The following CNTNAP2 variants were observed in gnomAD, a reference collection of about 807,000 sequenced individuals.
The protein encoded by CNTNAP2 is contactin associated protein 2, also known as contactin-associated protein-like 2.
A neutral mutation model predicts 155.2 loss-of-function variants in CNTNAP2; 98 were observed. The ratio of observed to expected loss-of-function variants is 0.63; its 90% confidence interval spans 0.54 to 0.75. The LOEUF is 0.75. Among genes scored for constraint, CNTNAP2 ranks in the 30% least tolerant of loss-of-function variants. The pLI is 0.00. For missense variants in CNTNAP2, 1,727 were observed against 1,688.1 expected (o/e 1.02, Z -0.40); for synonymous variants, 651 against 631.2 (o/e 1.03, Z -0.47).
At chr7:148,159,805 T>G (rs1805482653) in intron 17 of CNTNAP2, among the ~76,000 whole-genome samples, 6 of 152,218 alleles carry the variant, frequency 3.9e-5, no homozygotes. Context: ...AGTGGTAGCT[T>G]CGGGTAATTG....
intron 9 of CNTNAP2, among the ~76,000 whole-genome samples, chr7:147,393,350 A>G (rs1191780950): frequency 2.6e-5 from 4 of 152,050 alleles, no homozygotes; most frequent in African/African-American, 9.7e-5. Context: ...TACAACCTTA[A>G]TTATACCCAA....
intron 1 of CNTNAP2, among the ~76,000 whole-genome samples, chr7:146,346,303 A>G (rs1169005880): frequency 1.3e-5 from 2 of 152,156 alleles, no homozygotes; most frequent in East Asian, 3.9e-4. Flanking sequence ...CTCCTGTCAG[A>G]TCGTCTGTGG....
intron 10 of CNTNAP2, among the ~76,000 whole-genome samples, chr7:147,472,912 G>T (rs976238903): frequency 6.6e-6 from 1 of 152,160 alleles, no homozygotes; most frequent in Non-Finnish European, 1.5e-5. Context: ...AGCAGGTGGA[G>T]TGTCCAAGTT....
chr7:147,264,017 C>T (rs903426289), intron 8 of CNTNAP2, among the ~76,000 whole-genome samples: 31 of 152,170 alleles, frequency 2.0e-4, no homozygotes, highest in Admixed American at 7.9e-4. Flanking sequence ...GAGGCCTTAG[C>T]ATTCCAACCT....
At chr7:146,182,179 A>G (rs1048528703) in intron 1 of CNTNAP2, among the ~76,000 whole-genome samples, 5 of 152,176 alleles carry the variant, frequency 3.3e-5, no homozygotes, top group African/African-American at 1.2e-4. Flanking sequence ...CTGGAGAGGA[A>G]ATATGAATGA....
intron 12 of CNTNAP2, chr7:147,638,674 A>G: frequency 2.7e-6 from 1 of 364,386 alleles, no homozygotes; most frequent in South Asian, 2.3e-5. Context: ...GAGAGCAAAC[A>G]CCATGTAGGA....
Position 146,511,861 on chromosome 7 carries a change from T to C in CNTNAP2, c.98-262410T>C, listed in dbSNP as rs186378399. Among the ~76,000 whole-genome samples, 11 of 152,272 alleles carry C rather than the reference T, an allele frequency of 7.2e-5. No individual in the cohort carries two copies. In the East Asian group the frequency reaches 1.9e-3, roughly 27 times the overall value. On this transcript the variant is annotated intron_variant, in intron 1 of 23. Coordinates refer to ENST00000361727, the MANE Select transcript of CNTNAP2 (RefSeq NM_014141.6). ...GTTTGAGTAGAATTGTTATTGGTTC[T>C]TCTTTAAAAATTTGGTAGAGTTCAG...
chr7:146,300,956 G>A (rs1800597798), intron 1 of CNTNAP2, among the ~76,000 whole-genome samples: 1 of 152,122 alleles, frequency 6.6e-6, no homozygotes, highest in East Asian at 1.9e-4. Flanking sequence ...TTGTATTTAA[G>A]TGCTGAGGGT....
chr7:147,248,867 A>G (rs1804124150), intron 8 of CNTNAP2, among the ~76,000 whole-genome samples: 1 of 152,232 alleles, frequency 6.6e-6, no homozygotes, highest in African/African-American at 2.4e-5. Context: ...CAAGGTTGTA[A>G]GGAGCTTAGG....
chr7:148,074,384 T>C (rs1803438271), intron 15 of CNTNAP2, among the ~76,000 whole-genome samples: 1 of 152,114 alleles, frequency 6.6e-6, no homozygotes, highest in African/African-American at 2.4e-5. Flanking sequence ...ACAGAATACA[T>C]AGTTGATATT....
rs959519449 is a variant in CNTNAP2, at chr7:147,334,604, C to T, written c.1498+34314C>T. ...ACAAGACTAGAAGTGAACTGATCTG[C>T]ACAATTTGGAGATCAAGAAGGTAAT... On this transcript the variant is annotated intron_variant, in intron 9 of 23. Transcript: ENST00000361727. Among the ~76,000 whole-genome samples, 8 of 152,060 alleles carry T rather than the reference C, an allele frequency of 5.3e-5. No individual in the cohort carries two copies. The East Asian group carries it at 1.5e-3, about 29-fold the overall frequency.
At chr7:147,654,333 T>C (rs529126634) in intron 13 of CNTNAP2, among the ~76,000 whole-genome samples, 3 of 152,336 alleles carry the variant, frequency 2.0e-5, no homozygotes, top group African/African-American at 7.2e-5. Flanking sequence ...GTGTTAGCAA[T>C]ATCCAAAAAT....
chr7:148,032,560 A>G (rs1802496906), intron 15 of CNTNAP2, among the ~76,000 whole-genome samples: 1 of 152,158 alleles, frequency 6.6e-6, no homozygotes, highest in African/African-American at 2.4e-5. Context: ...AGGAGAAGTG[A>G]CATATGGGAG....
At position 148,267,061 on chromosome 7, in the gene CNTNAP2, A is replaced by G. The variant is rs775065734; in HGVS notation, c.3410A>G (p.His1137Arg). The stretch of plus-strand genomic sequence containing the variant: ...GATCATTATCCTTCTGTGAGTTACC[A>G]TCTGCCAAGTTCATCCGACACCCTC... The part of the protein sequence containing the change: ...KLDHYPSVSY[H>R]LPSSSDTLFN... Residue 1137 changes from histidine (H) to arginine (R), a missense_variant, in exon 21 of 24, where the codon CAT becomes CGT. By Grantham distance (29) the His-to-Arg change is conservative. Coordinates refer to ENST00000361727, the MANE Select transcript of CNTNAP2 (RefSeq NM_014141.6). 1.9e-5 allele frequency: 30 copies of G among 1,614,012 alleles called. No homozygotes were observed. In the South Asian group the frequency reaches 3.1e-4, roughly 17 times the overall value.
At chr7:147,695,280 T>G (rs573327350) in intron 13 of CNTNAP2, among the ~76,000 whole-genome samples, 24 of 152,170 alleles carry the variant, frequency 1.6e-4, no homozygotes, top group Non-Finnish European at 3.1e-4. Flanking sequence ...GTTGAATATT[T>G]TATGTGAGTC....
intron 21 of CNTNAP2, among the ~76,000 whole-genome samples, chr7:148,335,405 C>T (rs1016005314): frequency 7.9e-5 from 12 of 152,178 alleles, no homozygotes; most frequent in Non-Finnish European, 2.9e-5. Context: ...CTGAGTGCTG[C>T]CAATCACTGC....
At chr7:147,590,889 A>C (rs185388354) in intron 12 of CNTNAP2, among the ~76,000 whole-genome samples, 360 of 152,308 alleles carry the variant, frequency 2.4e-3, no homozygotes, top group African/African-American at 8.3e-3. Flanking sequence ...TCTGAGGAGA[A>C]ACTACTGAGT....
chr7:146,255,658 G>A (rs977208909), intron 1 of CNTNAP2, among the ~76,000 whole-genome samples: 1 of 152,198 alleles, frequency 6.6e-6, no homozygotes, highest in African/African-American at 2.4e-5. Flanking sequence ...ATGCAAACCT[G>A]GATGGTGAAA....
intron 13 of CNTNAP2, among the ~76,000 whole-genome samples, chr7:147,797,827 C>A (rs1464061376): frequency 6.6e-6 from 1 of 151,950 alleles, no homozygotes; most frequent in Non-Finnish European, 1.5e-5. Flanking sequence ...CCAAATAATA[C>A]AAAAACTATT....
Sources: gnomAD v4.1 joint callset for allele counts (sites outside exome capture counted in the v4.1 genomes callset) on GRCh38, gnomAD v4.1.1 for gene constraint, MANE v1.5 for transcripts, NCBI Gene and HGNC (gene_info 2026-07-23, HGNC 2026-07-21) for gene names.